Variants in CYYR1 observed in about 807,000 individuals in gnomAD.
CYYR1 encodes cysteine and tyrosine-rich protein 1.
CYYR1 carries 14 observed loss-of-function variants against 15.2 expected under a neutral mutation model. The ratio of observed to expected loss-of-function variants is 0.92; its 90% CI spans 0.61 to 1.44. The LOEUF is 1.44. Ranked by LOEUF, CYYR1 falls within the 40% of genes most tolerant of loss-of-function variation. The pLI, the probability that CYYR1 is intolerant of heterozygous loss-of-function variation, is 0.00. For missense variants in CYYR1, 228 were observed against 209.5 expected, an observed-to-expected ratio of 1.09 and a Z score of -0.54; for synonymous variants, 80 against 77.4, an observed-to-expected ratio of 1.03 and a Z score of -0.18.
chr21:26,466,745 A>T lies in CYYR1; in HGVS notation c.*1756T>A, dbSNP rs1159417036. ...CTGACCACACGCAGAAGAAAAATAAATTAAAGCATATGTACTATTAAAATT... is the reference window on the plus strand; with the variant it reads ...CTGACCACACGCAGAAGAAAAATAATTTAAAGCATATGTACTATTAAAATT... On this transcript the variant is annotated 3_prime_UTR_variant, in exon 4 of 4. Coordinates refer to ENST00000652641, the MANE Select transcript of CYYR1 (RefSeq NM_001320768.2). 6.6e-6 allele frequency: 1 copy of T among 152,214 alleles called. No individual in the cohort carries two copies. Among genetic ancestry groups the T allele is most frequent in the Admixed American group, 6.6e-5 (1 of 15,266 alleles). The allele number at this position is 152,214 out of a possible 1,614,324, so 9.4% of individuals were successfully genotyped here.
intron 2 of CYYR1, among the ~76,000 whole-genome samples, chr21:26,525,163 T>C (rs564636789): frequency 2.6e-5 from 4 of 152,234 alleles, no homozygotes; most frequent in Non-Finnish European, 5.9e-5. Flanking sequence ...TACTTCCTTT[T>C]CCTCCTCCTC....
At chr21:26,491,334 T>G (rs2123443807) in intron 2 of CYYR1, among the ~76,000 whole-genome samples, 1 of 152,314 alleles carries the variant, frequency 6.6e-6, no homozygotes, top group Middle Eastern at 3.4e-3. Flanking sequence ...TTTCTGTACC[T>G]TTTTGTCATG....
chr21:26,504,461 G>T (rs1179406985), intron 2 of CYYR1, among the ~76,000 whole-genome samples: 1 of 151,788 alleles, frequency 6.6e-6, no homozygotes, highest in African/African-American at 2.4e-5. Flanking sequence ...TAGTAGAGAT[G>T]GGGTTTAACC....
At chr21:26,531,667 G>A (rs1274681776) in intron 2 of CYYR1, among the ~76,000 whole-genome samples, 1 of 152,094 alleles carries the variant, frequency 6.6e-6, no homozygotes, top group African/African-American at 2.4e-5. Context: ...GAACTCTTGA[G>A]TCAATGAAAC....
chr21:26,495,442 T>A (rs910521613), intron 2 of CYYR1, among the ~76,000 whole-genome samples: 2 of 152,200 alleles, frequency 1.3e-5, no homozygotes, highest in Admixed American at 1.3e-4. Context: ...AAGAAAGTGA[T>A]GTTTACTTCC....
At chr21:26,530,947 T>A (rs189180224) in intron 2 of CYYR1, among the ~76,000 whole-genome samples, 1 of 152,290 alleles carries the variant, frequency 6.6e-6, no homozygotes, top group Admixed American at 6.5e-5. Flanking sequence ...GCAATGTGAC[T>A]GTTTTAGTGT....
intron 2 of CYYR1, among the ~76,000 whole-genome samples, chr21:26,540,594 C>T (rs1000747916): frequency 1.3e-5 from 2 of 152,012 alleles, no homozygotes; most frequent in South Asian, 2.1e-4. Flanking sequence ...CCATCTAAGG[C>T]TAAAAAGAAC....
chr21:26,534,504 G>T (rs754310385), intron 2 of CYYR1, among the ~76,000 whole-genome samples: 26 of 152,136 alleles, frequency 1.7e-4, no homozygotes, highest in Non-Finnish European at 2.8e-4. Context: ...CTTCTGTTTG[G>T]ATTTGCCCAA....
intron 3 of CYYR1, 29 bp from the exon 4 acceptor site, chr21:26,468,663 G>C (rs779856756): frequency 1.3e-5 from 19 of 1,513,982 alleles, no homozygotes; most frequent in Non-Finnish European, 1.5e-5. Flanking sequence ...AGAACATCAA[G>C]GAGTTAGCAA....
At chr21:26,564,311 C>T (rs1980455710) in intron 2 of CYYR1, among the ~76,000 whole-genome samples, 1 of 152,138 alleles carries the variant, frequency 6.6e-6, no homozygotes, top group Non-Finnish European at 1.5e-5. Context: ...ACCACTGCCA[C>T]CTTTCTTTTT....
intron 2 of CYYR1, among the ~76,000 whole-genome samples, chr21:26,521,794 A>G (rs760852937): frequency 4.6e-5 from 7 of 152,246 alleles, no homozygotes; most frequent in Non-Finnish European, 7.3e-5. Context: ...AGAAGAAAAT[A>G]TGAAAAGACA....
At chr21:26,470,223 T>C (rs540868707) in intron 3 of CYYR1, among the ~76,000 whole-genome samples, 1 of 152,290 alleles carries the variant, frequency 6.6e-6, no homozygotes, top group African/African-American at 2.4e-5. Context: ...ATTAAAGTAA[T>C]TGCAAAAACT....
intron 2 of CYYR1, among the ~76,000 whole-genome samples, chr21:26,533,309 A>G (rs1482308090): frequency 6.6e-6 from 1 of 151,646 alleles, no homozygotes; most frequent in Non-Finnish European, 1.5e-5. Flanking sequence ...ATGAGGACTG[A>G]TAATTATGAG....
chr21:26,540,242 C>T (rs1485891756), intron 2 of CYYR1, among the ~76,000 whole-genome samples: 1 of 152,068 alleles, frequency 6.6e-6, no homozygotes, highest in Non-Finnish European at 1.5e-5. Context: ...CCCTGAAATC[C>T]CTGGAGAGAA....
chr21:26,502,498 A>G (rs1326920596), intron 2 of CYYR1, among the ~76,000 whole-genome samples: 1 of 152,146 alleles, frequency 6.6e-6, no homozygotes, highest in Non-Finnish European at 1.5e-5. Flanking sequence ...AATAAATTTA[A>G]AGAAAATTAG....
At chr21:26,508,322 G>C (rs2065597299) in intron 2 of CYYR1, among the ~76,000 whole-genome samples, 1 of 152,152 alleles carries the variant, frequency 6.6e-6, no homozygotes, top group South Asian at 2.1e-4. Context: ...CTTGCAGAAA[G>C]GAGAGTGACA....
intron 2 of CYYR1, among the ~76,000 whole-genome samples, chr21:26,489,179 G>A (rs778206466): frequency 2.6e-5 from 4 of 152,114 alleles, no homozygotes; most frequent in Admixed American, 1.3e-4. Flanking sequence ...CATATCTTAC[G>A]TAGAATTAAA....
intron 2 of CYYR1, among the ~76,000 whole-genome samples, chr21:26,497,976 A>G (rs182451750): frequency 5.3e-5 from 8 of 152,250 alleles, no homozygotes; most frequent in Admixed American, 2.0e-4. Context: ...CATTTGTATC[A>G]TATGTTTTTA....
chr21:26,514,266 C>T (rs779021502), intron 2 of CYYR1, among the ~76,000 whole-genome samples: 1 of 152,078 alleles, frequency 6.6e-6, no homozygotes, highest in Non-Finnish European at 1.5e-5. Flanking sequence ...AATTTGATCC[C>T]CAGTGTTGGA....
Sources: gnomAD v4.1 joint callset for allele counts (sites outside exome capture counted in the v4.1 genomes callset) on GRCh38, gnomAD v4.1.1 for gene constraint, MANE v1.5 for transcripts, NCBI Gene and HGNC (gene_info 2026-07-23, HGNC 2026-07-21) for gene names.